GOLGA4: variants seen among roughly 807,000 people sequenced by gnomAD.
GOLGA4 encodes golgin A4.
In GOLGA4, 169 loss-of-function variants were observed where a neutral mutation model predicts 265.9. The observed-to-expected ratio is 0.64, with a 90% confidence interval of 0.56 to 0.72. The LOEUF (loss-of-function observed/expected upper bound fraction) is 0.72, where lower values mean the gene tolerates loss of function less well. GOLGA4 is among the 30% of genes least tolerant of loss of function. GOLGA4 has a pLI of 0.00. For synonymous variants in GOLGA4, 923 were observed against 855.8 expected, an observed-to-expected ratio of 1.08 and a Z score of -1.37; for missense variants, 2,482 against 2,483.4, an observed-to-expected ratio of 1.00 and a Z score of 0.01.
intron 3 of GOLGA4, among the ~76,000 whole-genome samples, chr3:37,283,871 C>T (rs181643849): frequency 1.3e-5 from 2 of 152,182 alleles, no homozygotes; most frequent in East Asian, 1.9e-4. Flanking sequence ...GTACCATTCC[C>T]GTAGATGTTA....
chr3:37,308,002 G>T (rs982597211), intron 10 of GOLGA4, among the ~76,000 whole-genome samples: 30 of 152,202 alleles, frequency 2.0e-4, no homozygotes, highest in African/African-American at 5.3e-4. Flanking sequence ...GGGAGACTGA[G>T]GCGGGTGGAT....
chr3:37,324,875 A>G lies in GOLGA4; in HGVS notation c.2989A>G (p.Lys997Glu), dbSNP rs763890974. The change falls in exon 14 of 24, where the codon AAA becomes GAA. Residue 997 changes from lysine (K) to glutamate (E), a missense_variant. By Grantham distance (56) the Lys-to-Glu change is moderately conservative. This residue lies in a region of GOLGA4 where 1,536 missense variants were observed against 1,483.7 expected (regional missense o/e 1.04). Transcript: ENST00000361924. ...NTALELSQKE[K>E]QFNAKMLEMA... ...TGCTCTAGAGCTTAGTCAGAAAGAA[A>G]AACAGTTTAATGCCAAAATGCTGGA... 3.1e-6 allele frequency: 5 copies of G among 1,597,454 alleles called. No individual in the cohort carries two copies. The highest frequency in any genetic ancestry group is 4.3e-6 in the Non-Finnish European group (5 of 1,175,194).
chr3:37,357,457 T>C (rs1261766290), intron 22 of GOLGA4, among the ~76,000 whole-genome samples: 3 of 152,188 alleles, frequency 2.0e-5, no homozygotes, highest in Non-Finnish European at 4.4e-5. Context: ...AAAGATATGC[T>C]TAAGTAATAT....
chr3:37,337,220 CT>C (rs1395060911), intron 18 of GOLGA4, 57 bp downstream of exon 18: 1 of 922,416 alleles, frequency 1.1e-6, no homozygotes, highest in Non-Finnish European at 1.7e-6. Flanking sequence ...CAGATTCTCA[CT>C]CTGTTGCCCA....
intron 10 of GOLGA4, among the ~76,000 whole-genome samples, chr3:37,314,553 A>G (rs922462394): frequency 2.6e-5 from 4 of 151,664 alleles, no homozygotes; most frequent in Non-Finnish European, 5.9e-5. Flanking sequence ...AGGCAGGAGT[A>G]TTGCTTGAAC....
intron 2 of GOLGA4, among the ~76,000 whole-genome samples, chr3:37,262,063 A>T (rs1191672472): frequency 1.3e-5 from 2 of 152,262 alleles, no homozygotes; most frequent in Non-Finnish European, 2.9e-5. Flanking sequence ...AAATTAAAGT[A>T]ATACAACAGT....
intron 1 of GOLGA4, 146 bp downstream of exon 1, chr3:37,243,768 C>T (rs1190331826): frequency 3.1e-6 from 2 of 654,378 alleles, no homozygotes; most frequent in Non-Finnish European, 2.7e-6. Flanking sequence ...CCAGAAGGAG[C>T]TCCGGGCGGT....
intron 16 of GOLGA4, among the ~76,000 whole-genome samples, chr3:37,329,671 C>G (rs183991035): frequency 1.9e-3 from 290 of 152,258 alleles, no homozygotes; most frequent in Non-Finnish European, 2.3e-3. Flanking sequence ...TGCCATGTTG[C>G]AATTCACAGA....
chr3:37,315,121 G>A (rs1375006462), intron 10 of GOLGA4, among the ~76,000 whole-genome samples: 1 of 152,128 alleles, frequency 6.6e-6, no homozygotes, highest in African/African-American at 2.4e-5. Context: ...CTATCCATAA[G>A]GAAACTGGTA....
At chr3:37,310,207 A>G (rs909150139) in intron 10 of GOLGA4, among the ~76,000 whole-genome samples, 1 of 152,160 alleles carries the variant, frequency 6.6e-6, no homozygotes, top group African/African-American at 2.4e-5. Context: ...CTTGTTAACC[A>G]TATAGTGAAG....
chr3:37,267,017 T>C, intron 2 of GOLGA4: 2 of 531,058 alleles, frequency 3.8e-6, no homozygotes, highest in Non-Finnish European at 6.4e-6. Context: ...GCAAATCTCA[T>C]GTTACTTGCC....
Position 37,327,646 on chromosome 3 carries a change from C to T in GOLGA4, c.5760C>T (p.Asn1920=). 1 of 1,613,880 alleles carries T rather than the reference C, an allele frequency of 6.2e-7. No homozygotes were observed. The highest frequency in any genetic ancestry group is 8.5e-7 in the Non-Finnish European group (1 of 1,179,820). ...SHLVQPKLLS[N]MEAQHNDLEF... ...TGGTCCAACCCAAATTGCTTAGTAA[C>T]ATGGAAGCCCAGCACAATGATCTGG... Residue 1920 remains asparagine, a synonymous_variant, in exon 14 of 24, where the codon AAC becomes AAT. Transcript: ENST00000361924.
chr3:37,243,378 G>C lies in GOLGA4; in HGVS notation c.-173G>C. 4 of 596,262 alleles carry C rather than the reference G, an allele frequency of 6.7e-6. No homozygotes were observed. The highest frequency in any genetic ancestry group is 1.2e-5 in the Non-Finnish European group (4 of 332,206). The allele number at this position is 596,262 out of a possible 1,614,324, so 36.9% of individuals were successfully genotyped here. A position where few individuals can be genotyped will look rare whatever the true frequency, so the allele number is the denominator to read the frequency against. Reference sequence around the variant, plus strand: ...AAAGAGACGCGGCGGCGGCGACGCCGACACCCTCAGGACGAGTGTCCGGAC... The same window carrying C: ...AAAGAGACGCGGCGGCGGCGACGCCCACACCCTCAGGACGAGTGTCCGGAC... On this transcript the variant is annotated 5_prime_UTR_variant, in exon 1 of 24. Coordinates refer to ENST00000361924, the MANE Select transcript of GOLGA4 (RefSeq NM_002078.5).
chr3:37,337,541 A>C, intron 18 of GOLGA4, 125 bp from the exon 19 acceptor site: 1 of 668,672 alleles, frequency 1.5e-6, no homozygotes, highest in Non-Finnish European at 2.7e-6. Flanking sequence ...CATGCATTTT[A>C]GGGGTATTCA....
intron 2 of GOLGA4, among the ~76,000 whole-genome samples, chr3:37,254,212 G>T (rs1263417816): frequency 1.3e-5 from 2 of 152,084 alleles, no homozygotes; most frequent in African/African-American, 4.8e-5. Context: ...TATAAACTGA[G>T]TTCAACAATA....
intron 11 of GOLGA4, among the ~76,000 whole-genome samples, chr3:37,318,167 C>T (rs1204888275): frequency 6.6e-6 from 1 of 152,008 alleles, no homozygotes; most frequent in Admixed American, 6.5e-5. Context: ...CAAATGGTCT[C>T]CAAATCATTT....
intron 23 of GOLGA4, 79 bp from the exon 24 acceptor site, chr3:37,366,001 A>C: frequency 8.0e-7 from 1 of 1,242,948 alleles, no homozygotes; most frequent in Non-Finnish European, 1.1e-6. Flanking sequence ...TGAAAAAACA[A>C]ATATCCCAAA....
chr3:37,280,032 A>G (rs558748174), intron 2 of GOLGA4, among the ~76,000 whole-genome samples: 6 of 152,298 alleles, frequency 3.9e-5, no homozygotes, highest in African/African-American at 1.2e-4. Flanking sequence ...TACAGTGTAG[A>G]GTAACCGTTC....
At chr3:37,329,138 A>G (rs780417916) in intron 16 of GOLGA4, 45 bp downstream of exon 16, 1 of 1,496,064 alleles carries the variant, frequency 6.7e-7, no homozygotes, top group South Asian at 1.3e-5. Flanking sequence ...ATTTAGCTGT[A>G]ATAGATTTCA....
Sources: gnomAD v4.1 joint callset for allele counts (sites outside exome capture counted in the v4.1 genomes callset) on GRCh38, gnomAD v4.1.1 for gene constraint, gnomAD v4.1.1 regional missense constraint, MANE v1.5 for transcripts, NCBI Gene and HGNC (gene_info 2026-07-23, HGNC 2026-07-21) for gene names.